Variants in BRDT observed in about 807,000 individuals in gnomAD.
BRDT encodes bromodomain testis-specific protein.
A neutral mutation model predicts 113.9 loss-of-function variants in BRDT; 77 were observed. That is an observed-to-expected ratio of 0.68 (90% CI 0.56 to 0.82). BRDT has a LOEUF of 0.82. BRDT is among the 40% of genes least tolerant of loss of function. BRDT has a pLI of 0.00. For missense variants in BRDT, 1,027 were observed against 1,105.4 expected (o/e 0.93, Z 1.01); for synonymous variants, 358 against 366.5 (o/e 0.98, Z 0.26).
intron 1 of BRDT, chr1:91,957,589 A>G (rs1160975732): frequency 6.6e-6 from 1 of 152,226 alleles, no homozygotes; most frequent in African/African-American, 2.4e-5. Context: ...ACACTAGTAC[A>G]GCACCAGAGT....
intron 15 of BRDT, among the ~76,000 whole-genome samples, chr1:91,998,767 GA>G (rs899595319): frequency 1.3e-5 from 2 of 151,832 alleles, no homozygotes; most frequent in Non-Finnish European, 2.9e-5. Context: ...GGATAGTGCA[GA>G]AAAAAAATAA....
chr1:91,991,909 G>A (rs1202810559), intron 13 of BRDT, among the ~76,000 whole-genome samples: 7 of 150,122 alleles, frequency 4.7e-5, no homozygotes, highest in Admixed American at 2.0e-4. Flanking sequence ...GGAGGATGGC[G>A]TGAACCCGGG....
chr1:92,003,459 C>G (rs1246322217), intron 16 of BRDT, among the ~76,000 whole-genome samples: 1 of 152,268 alleles, frequency 6.6e-6, no homozygotes, highest in East Asian at 1.9e-4. Flanking sequence ...GCCATCTAGA[C>G]TTGTGCTTAT....
intron 7 of BRDT, 152 bp downstream of exon 7, chr1:91,978,448 AG>A (rs1417332906): frequency 3.3e-6 from 3 of 915,000 alleles, no homozygotes; most frequent in Non-Finnish European, 4.7e-6. Flanking sequence ...CCAACAAAAC[AG>A]TTTATGAATT....
intron 18 of BRDT, among the ~76,000 whole-genome samples, chr1:92,012,656 A>G (rs1408558374): frequency 6.6e-6 from 1 of 152,218 alleles, no homozygotes. Flanking sequence ...CATGCCTGTA[A>G]TCCCAACACT....
At chr1:91,951,638 G>T (rs1204208922) in intron 1 of BRDT, among the ~76,000 whole-genome samples, 1 of 150,446 alleles carries the variant, frequency 6.6e-6, no homozygotes, top group Non-Finnish European at 1.5e-5. Flanking sequence ...GCCGGGCGTG[G>T]TGGCACGCGC....
Position 91,977,116 on chromosome 1 carries a change from T to G in BRDT, c.692T>G (p.Phe231Cys). 1 of 1,613,690 alleles carries G rather than the reference T, an allele frequency of 6.2e-7. No individual in the cohort carries two copies. The highest frequency in any genetic ancestry group is 8.5e-7 in the Non-Finnish European group (1 of 1,179,908). The change falls in exon 6 of 19, where the codon TTT (phenylalanine) becomes TGT (cysteine). Residue 231 changes from phenylalanine to cysteine, a missense_variant. Physicochemically the swap from Phe to Cys is radical, Grantham distance 205 (BLOSUM62 -2). Coordinates refer to ENST00000399546, the MANE Select transcript of BRDT (RefSeq NM_207189.4). ...ATSAVKASSE[F>C]SPTFTEKSVA... Reference sequence around the variant, plus strand: ...TCAGCAGTTAAAGCAAGTAGTGAATTTTCTCCAACATTCACAGAAAAATCA... The same window carrying G: ...TCAGCAGTTAAAGCAAGTAGTGAATGTTCTCCAACATTCACAGAAAAATCA...
At chr1:91,962,061 C>T (rs1262541577) in intron 1 of BRDT, among the ~76,000 whole-genome samples, 1 of 143,754 alleles carries the variant, frequency 7.0e-6, no homozygotes, top group East Asian at 2.0e-4. Flanking sequence ...AGGAGAATGG[C>T]GTGAACCCGG....
intron 12 of BRDT, among the ~76,000 whole-genome samples, chr1:91,989,021 C>T (rs1685531616): frequency 6.6e-6 from 1 of 152,044 alleles, no homozygotes; most frequent in Non-Finnish European, 1.5e-5. Flanking sequence ...GGACTTCAAA[C>T]TCCTGACCTC....
At chr1:91,976,236 T>C (rs1490475821) in intron 4 of BRDT, 30 bp from the exon 5 acceptor site, 1 of 1,542,886 alleles carries the variant, frequency 6.5e-7, no homozygotes, top group Admixed American at 2.2e-5. Flanking sequence ...TATTCATTCA[T>C]ATATTTGATT....
intron 15 of BRDT, among the ~76,000 whole-genome samples, chr1:91,994,848 A>T (rs925044206): frequency 9.5e-5 from 12 of 126,418 alleles, no homozygotes; most frequent in African/African-American, 3.6e-4. Context: ...AGCCTGGGCG[A>T]CAGAGCAAGA....
chr1:91,954,554 A>G (rs1403249977), intron 1 of BRDT, among the ~76,000 whole-genome samples: 1 of 152,160 alleles, frequency 6.6e-6, no homozygotes, highest in African/African-American at 2.4e-5. Flanking sequence ...TGTTGGGTTT[A>G]CAGACATGAG....
At chr1:91,972,049 A>G (rs1683684234) in intron 4 of BRDT, among the ~76,000 whole-genome samples, 1 of 145,420 alleles carries the variant, frequency 6.9e-6, no homozygotes, top group African/African-American at 2.6e-5. Flanking sequence ...ATACTCATGT[A>G]GTCTCCTTAG....
intron 15 of BRDT, among the ~76,000 whole-genome samples, chr1:92,001,656 A>G (rs1686855364): frequency 6.6e-6 from 1 of 151,942 alleles, no homozygotes; most frequent in Admixed American, 6.6e-5. Flanking sequence ...AGATTGCACC[A>G]CTGTACTTCA....
At chr1:91,952,950 C>G (rs1355017380) in intron 1 of BRDT, among the ~76,000 whole-genome samples, 1 of 151,970 alleles carries the variant, frequency 6.6e-6, no homozygotes, top group Non-Finnish European at 1.5e-5. Context: ...TAATTCATTT[C>G]TTTTTTTCTT....
intron 3 of BRDT, among the ~76,000 whole-genome samples, chr1:91,965,368 G>A (rs1160588234): frequency 6.6e-6 from 1 of 151,994 alleles, no homozygotes; most frequent in Non-Finnish European, 1.5e-5. Context: ...ACCAATGAGA[G>A]CTGGTTTCTG....
chr1:91,993,341 A>ACG (rs1685974778), intron 14 of BRDT, among the ~76,000 whole-genome samples: 1 of 152,224 alleles, frequency 6.6e-6, no homozygotes, highest in Non-Finnish European at 1.5e-5. Flanking sequence ...TAGTTAGATA[A>ACG]GGCTACTGGG....
chr1:91,969,830 T>G (rs868159149), intron 4 of BRDT, among the ~76,000 whole-genome samples: 9,378 of 144,550 alleles, frequency 0.065, 333 homozygotes, highest in Non-Finnish European at 0.087. Flanking sequence ...TGTGTTTTTT[T>G]TTTTTTTTTT....
chr1:92,002,254 A>T, intron 16 of BRDT, 105 bp downstream of exon 16: 2 of 775,938 alleles, frequency 2.6e-6, no homozygotes, highest in South Asian at 4.3e-5. Context: ...GAAATGTTGG[A>T]TCTCTAAGCC....
Sources: gnomAD v4.1 joint callset for allele counts (sites outside exome capture counted in the v4.1 genomes callset) on GRCh38, gnomAD v4.1.1 for gene constraint, MANE v1.5 for transcripts, NCBI Gene and HGNC (gene_info 2026-07-23, HGNC 2026-07-21) for gene names.